Variants in MGA observed in about 807,000 individuals in gnomAD.
MGA encodes the protein MAX dimerization protein MGA.
A neutral mutation model predicts 261.1 loss-of-function variants in MGA; 40 were observed. The observed-to-expected ratio is 0.15, with a 90% CI of 0.12 to 0.20. MGA has a LOEUF of 0.20. MGA is among the 10% of genes least tolerant of loss of function. The probability of loss-of-function intolerance (pLI) is 1.00; values close to 1 mark genes in which losing one functional copy is unlikely to be tolerated. For missense variants in MGA, 3,397 were observed against 3,630.5 expected, an observed-to-expected ratio of 0.94 and a Z score of 1.65; for synonymous variants, 1,302 against 1,290.6, an observed-to-expected ratio of 1.01 and a Z score of -0.19.
chr15:41,744,676 A>G (rs904032822), intron 15 of MGA, among the ~76,000 whole-genome samples: 2 of 152,174 alleles, frequency 1.3e-5, no homozygotes, highest in Non-Finnish European at 2.9e-5. Flanking sequence ...TCTAAACCAT[A>G]TGGATTCCAG....
At chr15:41,699,600 C>G (rs975437569) in intron 5 of MGA, among the ~76,000 whole-genome samples, 1 of 152,188 alleles carries the variant, frequency 6.6e-6, no homozygotes, top group Non-Finnish European at 1.5e-5. Flanking sequence ...CTCCTGGGTT[C>G]ATGCCATTCT....
intron 15 of MGA, among the ~76,000 whole-genome samples, chr15:41,746,872 T>C (rs1362169954): frequency 6.6e-6 from 1 of 152,078 alleles, no homozygotes; most frequent in African/African-American, 2.4e-5. Flanking sequence ...AATTTTTATT[T>C]ATTAATGTTA....
At chr15:41,727,457 A>G in intron 10 of MGA, 51 bp downstream of exon 10, 1 of 1,532,564 alleles carries the variant, frequency 6.5e-7, no homozygotes. Flanking sequence ...TCATGTGTAA[A>G]GATGGTGTGT....
intron 1 of MGA, among the ~76,000 whole-genome samples, chr15:41,649,194 C>T (rs976740688): frequency 1.3e-5 from 2 of 151,776 alleles, no homozygotes; most frequent in African/African-American, 4.8e-5. Context: ...CCAGCCTGGC[C>T]AAGATGGTGA....
chr15:41,672,553 A>AT (rs1351473489), intron 2 of MGA, among the ~76,000 whole-genome samples: 3 of 152,220 alleles, frequency 2.0e-5, no homozygotes, highest in Non-Finnish European at 4.4e-5. Context: ...TTATTAACGT[A>AT]TAGTATCTCT....
chr15:41,769,055 A>T lies in MGA; in HGVS notation c.*1775A>T, dbSNP rs534258723. 11 of 152,658 alleles carry T rather than the reference A, an allele frequency of 7.2e-5. No individual in the cohort carries two copies. The highest frequency in any genetic ancestry group is 1.3e-4 in the Non-Finnish European group (9 of 68,066). 9.5% of individuals were successfully genotyped at this position (152,658 alleles called of 1,614,324 possible). ...CTTATCCTTCCACTCTTTACCCAGC[A>T]GATTTCATTCAATGCCTTAGCCAAG... On this transcript the variant is annotated 3_prime_UTR_variant, in exon 24 of 24. Coordinates refer to ENST00000219905, the MANE Select transcript of MGA (RefSeq NM_001164273.2).
At chr15:41,728,415 A>G (rs77472728) in intron 10 of MGA, among the ~76,000 whole-genome samples, 1 of 152,062 alleles carries the variant, frequency 6.6e-6, no homozygotes, top group Non-Finnish European at 1.5e-5. Flanking sequence ...ATAATTTTCA[A>G]CTCCCCCAAA....
At position 41,669,732 on chromosome 15, in the gene MGA, G is replaced by A; in HGVS notation, c.838G>A (p.Glu280Lys). The A allele has an allele frequency of 6.2e-7, 1 of 1,613,714 alleles. No individual in the cohort carries two copies. The highest frequency in any genetic ancestry group is 8.5e-7 in the Non-Finnish European group (1 of 1,179,734). Reference sequence around the variant, plus strand: ...AAAACAAAAGAACAGCTCTGACCAAGAAGGGAATAATATTTCCAGTTCTTC... The same window carrying A: ...AAAACAAAAGAACAGCTCTGACCAAAAAGGGAATAATATTTCCAGTTCTTC... The change falls in exon 2 of 24, where the codon GAA becomes AAA. Residue 280 changes from glutamate (E) to lysine (K), a missense_variant. This residue lies in a region of MGA where 563 missense variants were observed against 563.6 expected (regional missense o/e 1.00). Transcript: ENST00000219905.
At chr15:41,754,415 C>CT (rs1396090107) in intron 17 of MGA, 22 bp from the exon 18 acceptor site, 1 of 1,518,376 alleles carries the variant, frequency 6.6e-7, no homozygotes. Context: ...ACATTATTTA[C>CT]TTTTATAATG....
intron 17 of MGA, 71 bp from the exon 18 acceptor site, chr15:41,754,366 A>G: frequency 7.1e-7 from 1 of 1,415,068 alleles, no homozygotes; most frequent in Non-Finnish European, 9.4e-7. Context: ...TATAAGGGGA[A>G]CAAACATTTG....
chr15:41,754,615 A>G (rs2063039467), intron 18 of MGA, 48 bp downstream of exon 18: 2 of 1,490,986 alleles, frequency 1.3e-6, no homozygotes, highest in East Asian at 2.4e-5. Flanking sequence ...TTTTGTAACC[A>G]GAAACAAAAT....
intron 1 of MGA, among the ~76,000 whole-genome samples, chr15:41,653,638 G>T (rs1484521022): frequency 2.0e-5 from 3 of 150,578 alleles, no homozygotes; most frequent in Non-Finnish European, 2.9e-5. Context: ...AGCCCAGGAG[G>T]TTGAAGCTGC....
intron 1 of MGA, among the ~76,000 whole-genome samples, chr15:41,636,544 T>C (rs575311759): frequency 6.8e-6 from 1 of 147,620 alleles, no homozygotes; most frequent in East Asian, 2.0e-4. Context: ...CACTGCAACC[T>C]CCACCTCCTG....
upstream of MGA, among the ~76,000 whole-genome samples, chr15:41,656,344 T>TCCTCTCTCTC (rs149903830): frequency 1.7e-5 from 1 of 59,988 alleles, no homozygotes; most frequent in Non-Finnish European, 3.6e-5. Context: ...CTCTCCTCTC[T>TCCTCTCTCTC]TCTCTCTCTC....
chr15:41,729,497 T>C lies in MGA; in HGVS notation c.3843+148T>C. The C allele has an allele frequency of 3.8e-6, 3 of 796,886 alleles. No individual in the cohort carries two copies. The South Asian group carries it at 5.7e-5, about 15-fold the overall frequency. 49.4% of individuals were successfully genotyped at this position (796,886 alleles called of 1,614,324 possible). ...AACAGTTTATTTCTCTGTGTACCTA[T>C]TGTATGATACGTCCCTTATGGTTAT... On this transcript the variant is annotated intron_variant, in intron 11 of 23. Coordinates refer to ENST00000219905, the MANE Select transcript of MGA (RefSeq NM_001164273.2).
intron 1 of MGA, among the ~76,000 whole-genome samples, chr15:41,666,658 A>G (rs1266477545): frequency 2.0e-5 from 3 of 152,260 alleles, no homozygotes; most frequent in African/African-American, 7.2e-5. Flanking sequence ...CGCTTAATAT[A>G]TCTTGTAGAT....
chr15:41,730,077 A>T (rs1319751172), intron 11 of MGA, among the ~76,000 whole-genome samples: 1 of 152,064 alleles, frequency 6.6e-6, no homozygotes, highest in Non-Finnish European at 1.5e-5. Flanking sequence ...TATTTTTAGC[A>T]GAGATGGGGT....
upstream of MGA, among the ~76,000 whole-genome samples, chr15:41,656,336 C>T (rs1209482751): frequency 1.9e-5 from 2 of 104,818 alleles, no homozygotes; most frequent in Non-Finnish European, 4.3e-5. Flanking sequence ...CTCTCTCCCT[C>T]TCCTCTCTTC....
At position 41,713,163 on chromosome 15, in the gene MGA, A is replaced by G; in HGVS notation, c.3097A>G (p.Thr1033Ala). ...CCTTTGACTTTAGGCATCCCTCAAA[A>G]CTAAACCTATCCACACAATCATAAG... is the stretch of plus-strand genomic sequence containing the variant. The change falls in exon 9 of 24, where the codon ACT (threonine) becomes GCT (alanine). Residue 1033 changes from threonine to alanine, a missense_variant. Physicochemically the swap from Thr to Ala is moderately conservative, Grantham distance 58. Around this residue, in one of 9 missense-constraint regions of MGA, gnomAD observed 519 missense variants for 554.1 expected, o/e 0.94. Coordinates refer to ENST00000219905, the MANE Select transcript of MGA (RefSeq NM_001164273.2). 6.2e-7 allele frequency: 1 copy of G among 1,612,174 alleles called. No individual in the cohort carries two copies. The highest frequency in any genetic ancestry group is 8.5e-7 in the Non-Finnish European group (1 of 1,179,572).
Sources: allele counts gnomAD v4.1 joint callset (sites outside exome capture counted in the v4.1 genomes callset), GRCh38; gene constraint gnomAD v4.1.1; regional missense constraint gnomAD v4.1.1; transcripts MANE v1.5; gene names NCBI Gene and HGNC (gene_info 2026-07-23, HGNC 2026-07-21).